Variants in CASS4 observed in about 807,000 individuals in gnomAD.
CASS4 encodes the protein cas scaffolding protein family member 4.
In CASS4, 22 loss-of-function variants were observed where a neutral mutation model predicts 54.2. That is an observed-to-expected ratio of 0.41 (90% CI 0.29 to 0.58). The LOEUF is 0.58. Among genes scored for constraint, CASS4 ranks in the 20% least tolerant of loss-of-function variants. The pLI is 0.36. For synonymous variants in CASS4, 409 were observed against 391.5 expected, an observed-to-expected ratio of 1.04 and a Z score of -0.53; for missense variants, 854 against 986.7, an observed-to-expected ratio of 0.87 and a Z score of 1.80.
At chr20:56,421,214 A>G (rs1354092441) in intron 1 of CASS4, among the ~76,000 whole-genome samples, 2 of 152,238 alleles carry the variant, frequency 1.3e-5, no homozygotes, top group Non-Finnish European at 2.9e-5. Flanking sequence ...TTTTTGTACA[A>G]TACTGGTGTA....
intron 1 of CASS4, among the ~76,000 whole-genome samples, chr20:56,427,194 C>T (rs1192269268): frequency 6.7e-6 from 1 of 149,822 alleles, no homozygotes; most frequent in African/African-American, 2.5e-5. Flanking sequence ...AAAAAAAAAC[C>T]CTCTGTCACC....
intron 1 of CASS4, among the ~76,000 whole-genome samples, chr20:56,415,094 A>G (rs931882002): frequency 6.6e-6 from 1 of 152,224 alleles, no homozygotes; most frequent in South Asian, 2.1e-4. Context: ...GACTAAGCTC[A>G]GAGCTCCATT....
rs2146259169 is a variant in CASS4 at position 56,414,333 on chromosome 20, C to T, written c.36+1839C>T. The stretch of plus-strand genomic sequence containing the variant: ...ACCTTTTTCTCTTTCATAACATTGA[C>T]CTTTTTTCTAAACAGCCTAGATTTT... On this transcript the variant is annotated intron_variant, in intron 1 of 5. Transcript: ENST00000679887. This position sits in a 1 kb window ranked among gnomAD's most constrained non-coding sequence, Gnocchi z 4.1. Among the ~76,000 whole-genome samples the T allele has an allele frequency of 6.6e-6, 1 of 152,244 alleles. No homozygotes were observed. The highest frequency in any genetic ancestry group is 2.4e-5 in the African/African-American group (1 of 41,528).
chr20:56,442,051 A>T (rs1568676866), intron 2 of CASS4, among the ~76,000 whole-genome samples: 1 of 151,898 alleles, frequency 6.6e-6, no homozygotes, highest in Non-Finnish European at 1.5e-5. Flanking sequence ...AGACGGGGCA[A>T]CTCTGAGCCA....
rs6099152 is a variant in CASS4, at chr20:56,459,857, T to A, written c.*1110T>A. 61,044 of 151,920 alleles carry A rather than the reference T, an allele frequency of 0.4. 13,295 individuals are homozygous for A. Among genetic ancestry groups the A allele is most frequent in the East Asian group, 0.94 (4,834 of 5,168 alleles). 9.4% of individuals were successfully genotyped at this position (151,920 alleles called of 1,614,324 possible). ...CTAGGTGCTGGAGACATAGCAGTGT[T>A]TCAGAGGGCTTGCCCTCTTGGAACT... On this transcript the variant is annotated 3_prime_UTR_variant, in exon 6 of 6. Transcript: ENST00000679887.
At chr20:56,426,108 G>A (rs534556363) in intron 1 of CASS4, among the ~76,000 whole-genome samples, 77 of 152,248 alleles carry the variant, frequency 5.1e-4, no homozygotes, top group African/African-American at 1.3e-3. Flanking sequence ...TGTCCACACC[G>A]TCTTGTGATA....
chr20:56,426,813 A>G (rs780016534), intron 1 of CASS4, among the ~76,000 whole-genome samples: 23 of 152,148 alleles, frequency 1.5e-4, no homozygotes, highest in Non-Finnish European at 2.8e-4. Flanking sequence ...CCTGAGTTCA[A>G]AGTGATCTGC....
intron 1 of CASS4, among the ~76,000 whole-genome samples, chr20:56,419,040 CA>C (rs1427281230): frequency 6.6e-6 from 1 of 152,060 alleles, no homozygotes; most frequent in Non-Finnish European, 1.5e-5. Flanking sequence ...ACCATCACCC[CA>C]AAACTTAAAA....
chr20:56,445,956 G>T lies in CASS4; in HGVS notation c.516G>T (p.Gln172His), dbSNP rs1255329944. Reference sequence around the variant, plus strand: ...CCTCACTGCCGACTCTGCCTTCCCAGGTGTATGACGTGCCTACCCAGCACC... The same window carrying T: ...CCTCACTGCCGACTCTGCCTTCCCATGTGTATGACGTGCCTACCCAGCACC... ...VRASLPTLPSQVYDVPTQHRG... is the reference protein window; with the variant it reads ...VRASLPTLPSHVYDVPTQHRG... The change falls in exon 3 of 6, where the codon CAG becomes CAT. Residue 172 changes from glutamine (Q) to histidine (H), a missense_variant. By Grantham distance (24) the Gln-to-His change is conservative. Transcript: ENST00000679887. 1 of 1,614,040 alleles carries T rather than the reference G, an allele frequency of 6.2e-7. No individual in the cohort carries two copies. Among genetic ancestry groups the T allele is most frequent in the East Asian group, 2.2e-5 (1 of 44,880 alleles).
At chr20:56,448,540 G>A (rs538947499) in intron 3 of CASS4, among the ~76,000 whole-genome samples, 1 of 152,002 alleles carries the variant, frequency 6.6e-6, no homozygotes, top group Non-Finnish European at 1.5e-5. Flanking sequence ...AACACTTGAT[G>A]GTTTGCTTTT....
intron 1 of CASS4, among the ~76,000 whole-genome samples, chr20:56,428,724 A>G (rs1979758438): frequency 6.6e-6 from 1 of 152,198 alleles, no homozygotes; most frequent in Non-Finnish European, 1.5e-5. Flanking sequence ...TTAGCAGATT[A>G]GAGTAGGAAA....
At position 56,458,469 on chromosome 20, in the gene CASS4, A is replaced by G. The variant is rs1423951751; in HGVS notation, c.2083A>G (p.Ser695Gly). The change falls in exon 6 of 6, where the codon AGC becomes GGC. Residue 695 changes from serine (S) to glycine (G), a missense_variant. Transcript: ENST00000679887. ...CATCAGCGCATTTCACGGCAGCCTCAGCAGCAGCCAGCCCGCGGAGATCAT... is the reference window on the plus strand; with the variant it reads ...CATCAGCGCATTTCACGGCAGCCTCGGCAGCAGCCAGCCCGCGGAGATCAT... Reference protein sequence around the residue: ...KAISAFHGSLSSSQPAEIITQ... With the variant: ...KAISAFHGSLGSSQPAEIITQ... The G allele has an allele frequency of 1.2e-6, 2 of 1,614,120 alleles. No individual in the cohort carries two copies. Among genetic ancestry groups the G allele is most frequent in the Non-Finnish European group, 1.7e-6 (2 of 1,180,028 alleles).
At chr20:56,453,205 A>G (rs751773397) in intron 5 of CASS4, 76 bp downstream of exon 5, 1 of 1,067,256 alleles carries the variant, frequency 9.4e-7, no homozygotes, top group East Asian at 2.6e-5. Flanking sequence ...AGATGCTGAG[A>G]CTCTTTCCAT....
At chr20:56,450,021 G>A (rs1042594609) in intron 3 of CASS4, among the ~76,000 whole-genome samples, 2 of 148,972 alleles carry the variant, frequency 1.3e-5, no homozygotes, top group Admixed American at 6.8e-5. Flanking sequence ...CCAACCTTTG[G>A]TTGAGAGGTC....
chr20:56,422,345 G>A (rs573105273), intron 1 of CASS4, among the ~76,000 whole-genome samples: 8 of 152,284 alleles, frequency 5.3e-5, no homozygotes, highest in Admixed American at 2.6e-4. Flanking sequence ...CTTTATTGTT[G>A]CATCATTTCA....
chr20:56,458,244 T>A (rs987800491), intron 5 of CASS4, 96 bp from the exon 6 acceptor site: 5 of 1,249,648 alleles, frequency 4.0e-6, no homozygotes, highest in Non-Finnish European at 5.6e-6. Context: ...TTAAAAAAAA[T>A]AAAAAGTCTT....
chr20:56,415,326 G>A (rs145854634), intron 1 of CASS4, among the ~76,000 whole-genome samples: 104 of 152,104 alleles, frequency 6.8e-4, no homozygotes, highest in African/African-American at 2.3e-3. Context: ...CTCAGTTTAC[G>A]TAGGCCACCC....
At chr20:56,453,196 G>A (rs563491352) in intron 5 of CASS4, 67 bp downstream of exon 5, 1 of 1,156,576 alleles carries the variant, frequency 8.6e-7, no homozygotes, top group East Asian at 2.5e-5. Context: ...TGGCTACTAA[G>A]ATGCTGAGAC....
intron 1 of CASS4, among the ~76,000 whole-genome samples, chr20:56,417,112 G>T (rs569169596): frequency 5.0e-4 from 76 of 152,346 alleles, no homozygotes; most frequent in Non-Finnish European, 9.0e-4. Context: ...TGTACCACTT[G>T]CTGGGACTTG....
Sources: allele counts gnomAD v4.1 joint callset (sites outside exome capture counted in the v4.1 genomes callset), GRCh38; gene constraint gnomAD v4.1.1; non-coding constraint Gnocchi (gnomAD v3.1); transcripts MANE v1.5; gene names NCBI Gene and HGNC (gene_info 2026-07-23, HGNC 2026-07-21).